The following HMCN1 variants were observed in gnomAD, a reference collection of about 807,000 sequenced individuals.
The protein encoded by HMCN1 is hemicentin-1.
A neutral mutation model predicts 625.9 loss-of-function variants in HMCN1; 321 were observed. The ratio of observed to expected loss-of-function variants is 0.51; its 90% CI spans 0.47 to 0.56. The LOEUF (loss-of-function observed/expected upper bound fraction) is 0.56. Among genes scored for constraint, HMCN1 ranks in the 20% least tolerant of loss-of-function variants. The pLI is 0.00. For synonymous variants in HMCN1, 2,425 were observed against 2,417.6 expected, an observed-to-expected ratio of 1.00 and a Z score of -0.09; for missense variants, 6,588 against 6,887.3, an observed-to-expected ratio of 0.96 and a Z score of 1.54.
At chr1:185,860,033 A>G (rs1662766625) in intron 2 of HMCN1, among the ~76,000 whole-genome samples, 2 of 152,098 alleles carry the variant, frequency 1.3e-5, no homozygotes, top group South Asian at 4.1e-4. Flanking sequence ...CTGAAATATC[A>G]GATAGAGAGC....
At chr1:185,974,737 A>G (rs529980409) in intron 15 of HMCN1, among the ~76,000 whole-genome samples, 9 of 152,292 alleles carry the variant, frequency 5.9e-5, no homozygotes, top group East Asian at 1.9e-4. Flanking sequence ...TTGGCTGCTT[A>G]CCTAGTGCCT....
chr1:185,914,752 G>A (rs57454743), intron 6 of HMCN1, among the ~76,000 whole-genome samples: 1,565 of 151,000 alleles, frequency 0.01, 33 homozygotes, highest in African/African-American at 0.036. Flanking sequence ...TTTTCTCTCT[G>A]GCTTTCTATT....
intron 30 of HMCN1, 114 bp from the exon 31 acceptor site, chr1:186,015,044 TC>T: frequency 1.1e-6 from 1 of 910,622 alleles, no homozygotes; most frequent in Non-Finnish European, 1.7e-6. Context: ...ACCACAGACT[TC>T]CTAATTGTCT....
At chr1:185,922,029 A>G (rs1389612190) in intron 6 of HMCN1, among the ~76,000 whole-genome samples, 1 of 152,188 alleles carries the variant, frequency 6.6e-6, no homozygotes, top group Non-Finnish European at 1.5e-5. Context: ...ATATTTGCTA[A>G]ACATCTACTA....
intron 54 of HMCN1, among the ~76,000 whole-genome samples, chr1:186,077,594 TA>T (rs1412734728): frequency 6.6e-6 from 1 of 152,130 alleles, no homozygotes. Flanking sequence ...TGAACATGAG[TA>T]AAAGTCTTTA....
At chr1:186,102,992 T>C (rs1660451120) in intron 68 of HMCN1, among the ~76,000 whole-genome samples, 1 of 152,176 alleles carries the variant, frequency 6.6e-6, no homozygotes, top group Non-Finnish European at 1.5e-5. Flanking sequence ...ATGTAACTAT[T>C]TTTTCTTCTG....
At chr1:186,162,284 T>C (rs61831325) in intron 97 of HMCN1, among the ~76,000 whole-genome samples, 21,656 of 152,144 alleles carry the variant, frequency 0.14, 2,757 homozygotes, top group African/African-American at 0.34. Context: ...CCTTTAAGCA[T>C]TTCTCTGTAT....
chr1:186,112,088 T>C (rs6664484), intron 71 of HMCN1, among the ~76,000 whole-genome samples: 2,591 of 152,344 alleles, frequency 0.017, 67 homozygotes, highest in African/African-American at 0.059. Context: ...TTAGACTTAA[T>C]AGCAGAGATT....
chr1:186,009,707 A>G (rs1471133571), intron 30 of HMCN1, among the ~76,000 whole-genome samples: 1 of 152,192 alleles, frequency 6.6e-6, no homozygotes, highest in Non-Finnish European at 1.5e-5. Flanking sequence ...AAAATAAAAG[A>G]GATGGAGGAT....
Position 185,841,037 on chromosome 1 carries a change from T to C in HMCN1, c.269-4989T>C, listed in dbSNP as rs1489206395. 2.6e-5 allele frequency among the ~76,000 whole-genome samples: 4 copies of C among 152,176 alleles called. No homozygotes were observed. In the East Asian group the frequency reaches 5.8e-4, roughly 22 times the overall value. ...GAAAAAGGAAGTGAGAGGCTGGATA[T>C]TGATCTTGCCAAATGAAGCAGTGAA... On this transcript the variant is annotated intron_variant, in intron 1 of 106. Transcript: ENST00000271588.
At chr1:186,116,421 A>AATAT (rs3057359) in intron 75 of HMCN1, among the ~76,000 whole-genome samples, 68,560 of 148,786 alleles carry the variant, frequency 0.46, 16,100 homozygotes, top group Admixed American at 0.58. Context: ...TTCAAAACTA[A>AATAT]ATATATATAT....
At chr1:185,889,762 T>C (rs905723743) in intron 4 of HMCN1, among the ~76,000 whole-genome samples, 1 of 141,638 alleles carries the variant, frequency 7.1e-6, no homozygotes, top group Non-Finnish European at 1.5e-5. Context: ...GATATTGGTC[T>C]AAAATTCTCT....
Position 186,144,544 on chromosome 1 carries a change from T to A in HMCN1, c.14107T>A (p.Trp4703Arg). The part of the protein sequence containing the change: ...NERNCPIHGK[W>R]ATWASWSACS... The stretch of plus-strand genomic sequence containing the variant: ...TTCCCTTATTCCAGTTCATGGCAAG[T>A]GGGCGACTTGGGCCAGTTGGAGTGC... Residue 4703 changes from tryptophan to arginine, a missense_variant, in exon 91 of 107, where the codon TGG becomes AGG. Trp to Arg is a moderately radical substitution (Grantham distance 101). This residue lies in a region of HMCN1 where 1,954 missense variants were observed against 2,013.1 expected (regional missense o/e 0.97). Coordinates refer to ENST00000271588, the MANE Select transcript of HMCN1 (RefSeq NM_031935.3). 6.2e-7 allele frequency: 1 copy of A among 1,614,098 alleles called. No individual in the cohort carries two copies. Among genetic ancestry groups the A allele is most frequent in the Non-Finnish European group, 8.5e-7 (1 of 1,180,012 alleles).
At chr1:185,981,655 T>G (rs2102001180) in intron 17 of HMCN1, among the ~76,000 whole-genome samples, 1 of 152,266 alleles carries the variant, frequency 6.6e-6, no homozygotes, top group East Asian at 1.9e-4. Context: ...ATTAATACCC[T>G]TTTACACAGT....
In HMCN1 at chr1:185,922,478, A is replaced by G; in HGVS notation, c.1000A>G (p.Thr334Ala). The G allele has an allele frequency of 6.2e-7, 1 of 1,613,454 alleles. No homozygotes were observed. Among genetic ancestry groups the G allele is most frequent in the Non-Finnish European group, 8.5e-7 (1 of 1,179,576 alleles). ...AAAGCCCACCCTGGACTTCAAAAAAACAGTCAGCAGACCAGTGCAAGGTTT... is the reference window on the plus strand; with the variant it reads ...AAAGCCCACCCTGGACTTCAAAAAAGCAGTCAGCAGACCAGTGCAAGGTTT... ...SRKPTLDFKK[T>A]VSRPVQGIPT... Residue 334 changes from threonine (T) to alanine (A), a missense_variant, in exon 7 of 107, where the codon ACA becomes GCA. Physicochemically the swap from Thr to Ala is moderately conservative, Grantham distance 58 (BLOSUM62 0). Around this residue, in one of 3 missense-constraint regions of HMCN1, gnomAD observed 4,628 missense variants for 4,853.1 expected, o/e 0.95. Transcript: ENST00000271588.
intron 76 of HMCN1, 151 bp from the exon 77 acceptor site, chr1:186,117,308 G>A: frequency 8.7e-7 from 1 of 1,146,072 alleles, no homozygotes; most frequent in South Asian, 1.3e-5. Context: ...CATCACCCAG[G>A]TATTAACCCA....
intron 1 of HMCN1, among the ~76,000 whole-genome samples, chr1:185,748,446 C>A (rs966180867): frequency 1.3e-5 from 2 of 152,144 alleles, no homozygotes; most frequent in Non-Finnish European, 2.9e-5. Context: ...AAGGAACTTT[C>A]CTGGAATATT....
At chr1:186,068,109 T>G in intron 50 of HMCN1, 102 bp downstream of exon 50, 3 of 1,144,652 alleles carry the variant, frequency 2.6e-6, no homozygotes, top group Non-Finnish European at 3.9e-6. Flanking sequence ...AATGTTTTGT[T>G]GGTTGTGTTA....
chr1:186,010,871 AT>A (rs1220882805), intron 30 of HMCN1, among the ~76,000 whole-genome samples: 2 of 152,188 alleles, frequency 1.3e-5, no homozygotes, highest in Non-Finnish European at 2.9e-5. Flanking sequence ...TTTCTACAAA[AT>A]TGTTTGTTTG....
Sources: allele counts gnomAD v4.1 joint callset (sites outside exome capture counted in the v4.1 genomes callset), GRCh38; gene constraint gnomAD v4.1.1; regional missense constraint gnomAD v4.1.1; transcripts MANE v1.5; gene names NCBI Gene and HGNC (gene_info 2026-07-23, HGNC 2026-07-21).